Variants in ESRRG observed in about 807,000 individuals in gnomAD.
ESRRG encodes the protein estrogen-related receptor gamma.
Under a neutral mutation model 44.0 loss-of-function variants are expected in ESRRG, and 13 were observed. That is an observed-to-expected ratio of 0.30 (90% CI 0.19 to 0.47). ESRRG has a LOEUF of 0.47. Among genes scored for constraint, ESRRG ranks in the 20% least tolerant of loss-of-function variants. The pLI is 1.00. For synonymous variants in ESRRG, 215 were observed against 214.6 expected (o/e 1.00, Z -0.02); for missense variants, 395 against 580.6 (o/e 0.68, Z 3.29).
intron 2 of ESRRG, among the ~76,000 whole-genome samples, chr1:216,854,826 GA>G (rs11391128): frequency 1.3e-5 from 2 of 151,620 alleles, no homozygotes; most frequent in South Asian, 2.1e-4. Context: ...CGGAAGGCAA[GA>G]AAAAAAAATT....
Position 216,677,308 on chromosome 1 carries a change from G to C in ESRRG, c.240C>G (p.Asp80Glu). ...GAGCAGAAGGGTAGAGAGGTGGCGA[G>C]TCAAGTCCGTTCTGATGGCCATTCA... ...STMNGHQNGL[D>E]SPPLYPSAPI... Residue 80 changes from aspartate (D) to glutamate (E), a missense_variant, in exon 2 of 7, where the codon GAC (aspartate) becomes GAG (glutamate). Physicochemically the swap from Asp to Glu is conservative, Grantham distance 45. This residue lies in a region of ESRRG where 148 missense variants were observed against 150.4 expected (regional missense o/e 0.98). Coordinates refer to ENST00000408911, the MANE Select transcript of ESRRG (RefSeq NM_001438.4). The C allele has an allele frequency of 6.2e-7, 1 of 1,614,184 alleles. No homozygotes were observed. The highest frequency in any genetic ancestry group is 1.1e-5 in the South Asian group (1 of 91,080).
chr1:217,050,775 G>A (rs2085808146), intron 1 of ESRRG, among the ~76,000 whole-genome samples: 1 of 152,070 alleles, frequency 6.6e-6, no homozygotes, highest in South Asian at 2.1e-4. Flanking sequence ...CAAAATAAAT[G>A]AATCACAAAG....
intron 2 of ESRRG, among the ~76,000 whole-genome samples, chr1:216,936,097 A>G (rs1276495614): frequency 1.3e-5 from 2 of 152,072 alleles, no homozygotes; most frequent in Non-Finnish European, 2.9e-5. Context: ...TCACCTCAAT[A>G]GAATGAAAGA....
intron 2 of ESRRG, among the ~76,000 whole-genome samples, chr1:216,744,244 G>A (rs1336198007): frequency 6.6e-6 from 1 of 152,066 alleles, no homozygotes; most frequent in Non-Finnish European, 1.5e-5. Flanking sequence ...TGAAACTTCT[G>A]GGTGCTAAAT....
At chr1:216,959,410 G>T (rs1244608289) in intron 1 of ESRRG, among the ~76,000 whole-genome samples, 1 of 151,978 alleles carries the variant, frequency 6.6e-6, no homozygotes, top group Non-Finnish European at 1.5e-5. Context: ...TAAGAAATGA[G>T]GCCAGGAATG....
chr1:217,062,369 A>G (rs1282245822), intron 1 of ESRRG, among the ~76,000 whole-genome samples: 1 of 152,166 alleles, frequency 6.6e-6, no homozygotes, highest in African/African-American at 2.4e-5. Flanking sequence ...GCCTCTGCCT[A>G]TTAAACACCC....
At chr1:216,517,404 T>C (rs2044662198) in intron 6 of ESRRG, among the ~76,000 whole-genome samples, 1 of 152,172 alleles carries the variant, frequency 6.6e-6, no homozygotes, top group Non-Finnish European at 1.5e-5. Flanking sequence ...TAAATTATAA[T>C]AGTCATAAAG....
chr1:216,695,298 A>G (rs945611392), intron 1 of ESRRG, among the ~76,000 whole-genome samples: 9 of 152,136 alleles, frequency 5.9e-5, no homozygotes, highest in African/African-American at 2.2e-4. Flanking sequence ...TATGTGATAA[A>G]ATTATGTAGA....
In ESRRG at chr1:216,513,884, T is replaced by C. The variant is rs148251448; in HGVS notation, c.1132+5268A>G. Among the ~76,000 whole-genome samples, 320 of 152,260 alleles carry C rather than the reference T, an allele frequency of 2.1e-3. 1 individual carries two copies. The highest frequency in any genetic ancestry group is 7.3e-3 in the African/African-American group (302 of 41,552). On this transcript the variant is annotated intron_variant, in intron 6 of 6. Transcript: ENST00000408911. ...TGATATCAATTTGGGTGGTGAATAG[T>C]TCAACATTTCAAAACATCATAGATG...
rs565649571 is a variant in ESRRG at position 216,866,365 on chromosome 1, C to T, written c.-14+73217G>A. The stretch of plus-strand genomic sequence containing the variant: ...ATACAATGACATTTTAAGGATTGCT[C>T]TTATTGTTATTTAACATATATGTTC... On this transcript the variant is annotated intron_variant, in intron 2 of 7. Coordinates refer to the ESRRG transcript ENST00000359162. 2.0e-5 allele frequency among the ~76,000 whole-genome samples: 3 copies of T among 152,154 alleles called. No individual in the cohort carries two copies. In the South Asian group the frequency reaches 6.2e-4, roughly 32 times the overall value.
intron 2 of ESRRG, among the ~76,000 whole-genome samples, chr1:216,912,160 GAAAAGAAAAGAAAAGAAA>G (rs2060440632): frequency 1.4e-4 from 5 of 34,754 alleles, no homozygotes; most frequent in Admixed American, 3.9e-4. Flanking sequence ...GAAAAGAAAA[GAAAAGAAAAGAAAAGAAA>G]AGAAAAGGAG....
Position 216,506,172 on chromosome 1 carries a change from G to A in ESRRG, c.*767C>T, listed in dbSNP as rs1032542718. The A allele has an allele frequency of 6.5e-6, 1 of 153,322 alleles. No individual in the cohort carries two copies. The highest frequency in any genetic ancestry group is 1.5e-5 in the Non-Finnish European group (1 of 68,534). 9.5% of individuals were successfully genotyped at this position (153,322 alleles called of 1,614,324 possible). A position where few individuals can be genotyped will look rare whatever the true frequency, so the allele number is the denominator to read the frequency against. On this transcript the variant is annotated 3_prime_UTR_variant, in exon 7 of 7. Transcript: ENST00000408911. ...AATGATAAGAAGCAGCCGATGCAACGTTGCTTAAGTTGTCTAATTAGAGGC... is the reference window on the plus strand; with the variant it reads ...AATGATAAGAAGCAGCCGATGCAACATTGCTTAAGTTGTCTAATTAGAGGC...
intron 1 of ESRRG, among the ~76,000 whole-genome samples, chr1:217,057,305 C>T (rs2087331918): frequency 6.6e-6 from 1 of 152,084 alleles, no homozygotes; most frequent in Admixed American, 6.6e-5. Context: ...TGAATCATAC[C>T]TCATTCTAAA....
chr1:216,945,265 G>C (rs548308314), intron 1 of ESRRG, among the ~76,000 whole-genome samples: 1 of 152,052 alleles, frequency 6.6e-6, no homozygotes, highest in South Asian at 2.1e-4. Flanking sequence ...ATGTGGGAAG[G>C]AAGGAGGCAT....
At chr1:216,789,738 T>A (rs994666384) in intron 2 of ESRRG, among the ~76,000 whole-genome samples, 1 of 152,278 alleles carries the variant, frequency 6.6e-6, no homozygotes, top group African/African-American at 2.4e-5. Flanking sequence ...AACTTTTAGA[T>A]GCAGTATTCT....
chr1:216,921,991 C>A (rs2061905414), intron 2 of ESRRG, among the ~76,000 whole-genome samples: 1 of 152,156 alleles, frequency 6.6e-6, no homozygotes, highest in South Asian at 2.1e-4. Flanking sequence ...ATCTTTGAAA[C>A]TGTGAGTGGG....
At chr1:216,676,586 CA>C (rs1241971107) in intron 2 of ESRRG, among the ~76,000 whole-genome samples, 1 of 152,142 alleles carries the variant, frequency 6.6e-6, no homozygotes, top group African/African-American at 2.4e-5. Flanking sequence ...GGCAGGCCCC[CA>C]CCCCAGATCT....
chr1:216,545,709 C>T (rs1342336923), intron 5 of ESRRG, among the ~76,000 whole-genome samples: 5 of 151,926 alleles, frequency 3.3e-5, no homozygotes, highest in African/African-American at 7.2e-5. Flanking sequence ...CCTCTTTCTC[C>T]CCATTATATG....
intron 2 of ESRRG, among the ~76,000 whole-genome samples, chr1:216,665,479 T>A (rs1215929926): frequency 1.3e-5 from 2 of 152,106 alleles, no homozygotes; most frequent in Admixed American, 1.3e-4. Context: ...TTATAGGAGA[T>A]ATCTAGAGCA....
Sources: allele counts gnomAD v4.1 joint callset (sites outside exome capture counted in the v4.1 genomes callset), GRCh38; gene constraint gnomAD v4.1.1; regional missense constraint gnomAD v4.1.1; transcripts MANE v1.5; gene names NCBI Gene and HGNC (gene_info 2026-07-23, HGNC 2026-07-21).